Variants in CADPS2 observed in about 807,000 individuals in gnomAD.
CADPS2 encodes the protein calcium-dependent secretion activator 2.
A neutral mutation model predicts 172.5 loss-of-function variants in CADPS2; 93 were observed. That is an observed-to-expected ratio of 0.54 (90% CI 0.46 to 0.64). The LOEUF (loss-of-function observed/expected upper bound fraction) is 0.64, where lower values mean the gene tolerates loss of function less well. Ranked by LOEUF, CADPS2 falls within the 30% of genes least tolerant of loss-of-function variation. CADPS2 has a pLI of 0.00. For missense variants in CADPS2, 1,420 were observed against 1,565.9 expected (o/e 0.91, Z 1.57); for synonymous variants, 546 against 555.2 (o/e 0.98, Z 0.23).
chr7:122,530,760 T>C lies in CADPS2; in HGVS notation c.1476-17445A>G, dbSNP rs1257089480. On this transcript the variant is annotated intron_variant, in intron 8 of 29. Coordinates refer to ENST00000449022, the MANE Select transcript of CADPS2 (RefSeq NM_017954.11). ...TACAAGATTCACTTTAGCATTCTAT[T>C]TAATTTTGAAGCAATGGCTTCCAGC... Among the ~76,000 whole-genome samples the C allele has an allele frequency of 2.6e-5, 4 of 152,176 alleles. No individual in the cohort carries two copies. The East Asian group carries it at 7.7e-4, about 29-fold the overall frequency.
chr7:122,705,001 A>T (rs2086757339), intron 2 of CADPS2, among the ~76,000 whole-genome samples: 1 of 152,032 alleles, frequency 6.6e-6, no homozygotes, highest in Non-Finnish European at 1.5e-5. Context: ...CAGCCTGAGG[A>T]GAGAAGCATC....
chr7:122,481,399 C>T (rs2152263944), intron 11 of CADPS2, among the ~76,000 whole-genome samples: 1 of 152,242 alleles, frequency 6.6e-6, no homozygotes, highest in Non-Finnish European at 1.5e-5. Context: ...CTGATCAATT[C>T]TGCCTTGACA....
At chr7:122,690,722 G>A (rs1280375523) in intron 2 of CADPS2, among the ~76,000 whole-genome samples, 1 of 152,090 alleles carries the variant, frequency 6.6e-6, no homozygotes, top group Non-Finnish European at 1.5e-5. Flanking sequence ...TAACAACAAG[G>A]TTAAGCCTCA....
intron 25 of CADPS2, among the ~76,000 whole-genome samples, chr7:122,362,698 G>A (rs1255246603): frequency 6.6e-6 from 1 of 152,120 alleles, no homozygotes; most frequent in Non-Finnish European, 1.5e-5. Context: ...TAGGAAAAGG[G>A]AAATTAACGA....
intron 8 of CADPS2, among the ~76,000 whole-genome samples, chr7:122,545,681 A>G (rs2063552811): frequency 6.6e-6 from 1 of 152,138 alleles, no homozygotes; most frequent in South Asian, 2.1e-4. Flanking sequence ...AGAAGGAATA[A>G]AAAGGGATTT....
rs2040008428 is a variant in CADPS2 at position 122,360,690 on chromosome 7, T to C, written c.3504+98A>G. ...GAAAATAAACTACTCCCTAAGGGAATGGCACTGGTTTAAAGATTTGAAATA... is the reference window on the plus strand; with the variant it reads ...GAAAATAAACTACTCCCTAAGGGAACGGCACTGGTTTAAAGATTTGAAATA... On this transcript the variant is annotated intron_variant, in intron 27 of 29. Transcript: ENST00000449022. The C allele has an allele frequency of 5.8e-6, 6 of 1,039,954 alleles. No homozygotes were observed. The East Asian group carries it at 1.0e-4, about 18-fold the overall frequency. The allele number at this position is 1,039,954 out of a possible 1,614,324, so 64.4% of individuals were successfully genotyped here.
chr7:122,702,140 T>C lies in CADPS2; in HGVS notation c.453+34815A>G, dbSNP rs370904877. ...TCTCCAGACGCAATCTAAGTAAAAG[T>C]AGGCAATTGTGGCAGCCAGGAAGGT... On this transcript the variant is annotated intron_variant, in intron 2 of 29. Transcript: ENST00000449022. 2 of 1,613,652 alleles carry C rather than the reference T, an allele frequency of 1.2e-6. No homozygotes were observed. The highest frequency in any genetic ancestry group is 1.3e-5 in the African/African-American group (1 of 74,986).
chr7:122,688,142 C>T (rs1287233327), intron 2 of CADPS2, among the ~76,000 whole-genome samples: 1 of 152,224 alleles, frequency 6.6e-6, no homozygotes, highest in Non-Finnish European at 1.5e-5. Flanking sequence ...CTCTACTCCC[C>T]CTGACCCATA....
At chr7:122,757,961 G>C (rs1232768291) in intron 1 of CADPS2, among the ~76,000 whole-genome samples, 1 of 151,858 alleles carries the variant, frequency 6.6e-6, no homozygotes, top group Non-Finnish European at 1.5e-5. Flanking sequence ...TATAACTCTA[G>C]CTACGATTTT....
chr7:122,544,676 C>G (rs2063444474), intron 8 of CADPS2, among the ~76,000 whole-genome samples: 1 of 152,046 alleles, frequency 6.6e-6, no homozygotes, highest in African/African-American at 2.4e-5. Flanking sequence ...AGGAAGTGAG[C>G]AAGAGAGGAA....
chr7:122,661,843 A>G (rs2080573061), intron 3 of CADPS2, among the ~76,000 whole-genome samples: 4 of 152,230 alleles, frequency 2.6e-5, no homozygotes, highest in Admixed American at 1.3e-4. Flanking sequence ...AAATTATGTT[A>G]ATCAACATTT....
chr7:122,824,984 C>G (rs1455068861), intron 1 of CADPS2, among the ~76,000 whole-genome samples: 1 of 151,676 alleles, frequency 6.6e-6, no homozygotes, highest in African/African-American at 2.4e-5. Context: ...AATTTTTGGC[C>G]AAGGAAACGA....
rs1272955063 is a variant in CADPS2 at position 122,356,750 on chromosome 7, T to A, written c.3504+4038A>T. Among the ~76,000 whole-genome samples the A allele has an allele frequency of 2.0e-5, 3 of 152,340 alleles. No individual in the cohort carries two copies. In the East Asian group the frequency reaches 5.8e-4, roughly 29 times the overall value. ...TACTTTACATATTTGCTCGCTCAAA[T>A]TACTCTAGCTTAGGCCACTGGGAGC... On this transcript the variant is annotated intron_variant, in intron 27 of 29. Transcript: ENST00000449022.
intron 17 of CADPS2, among the ~76,000 whole-genome samples, chr7:122,423,371 T>C (rs1273711475): frequency 6.6e-6 from 1 of 152,148 alleles, no homozygotes; most frequent in African/African-American, 2.4e-5. Flanking sequence ...TTTTAGAACT[T>C]GTGGCTAGGT....
chr7:122,666,827 G>A (rs185153201), intron 2 of CADPS2, among the ~76,000 whole-genome samples: 2 of 152,242 alleles, frequency 1.3e-5, no homozygotes, highest in African/African-American at 2.4e-5. Context: ...TTCCCAGTGA[G>A]TTCTGCAGTG....
At chr7:122,375,411 C>A (rs1296172898) in intron 25 of CADPS2, among the ~76,000 whole-genome samples, 1 of 151,992 alleles carries the variant, frequency 6.6e-6, no homozygotes, top group Admixed American at 6.6e-5. Flanking sequence ...GCCAATAGAA[C>A]AAAACAGAGA....
Position 122,345,678 on chromosome 7 carries a change from G to T in CADPS2, c.3508C>A (p.Pro1170Thr). The stretch of plus-strand genomic sequence containing the variant: ...TAGGTGTCTGCCAGATCCATTCCTG[G>T]TTTCTGTTGTGAAGGAAAAGCAGGG... ...AAAKYVDVPK[P>T]GMDLADTYIM... The change falls in exon 28 of 30, where the codon CCA becomes ACA. Residue 1170 changes from proline (P) to threonine (T), a missense_variant. Pro to Thr is a conservative substitution (Grantham distance 38). Coordinates refer to ENST00000449022, the MANE Select transcript of CADPS2 (RefSeq NM_017954.11). The T allele has an allele frequency of 6.2e-7, 1 of 1,600,464 alleles. No individual in the cohort carries two copies. The highest frequency in any genetic ancestry group is 8.5e-7 in the Non-Finnish European group (1 of 1,170,548).
chr7:122,756,839 G>A (rs1003108396), intron 1 of CADPS2, among the ~76,000 whole-genome samples: 2 of 151,942 alleles, frequency 1.3e-5, no homozygotes, highest in African/African-American at 4.8e-5. Flanking sequence ...GGCAGAGGTT[G>A]CAGTGAGCCA....
chr7:122,436,489 G>A (rs2050660992), intron 17 of CADPS2: 20 of 407,384 alleles, frequency 4.9e-5, no homozygotes, highest in South Asian at 4.3e-4. Context: ...TCTTAGTCTA[G>A]TCCTGAGGAT....
Sources: gnomAD v4.1 joint callset for allele counts (sites outside exome capture counted in the v4.1 genomes callset) on GRCh38, gnomAD v4.1.1 for gene constraint, MANE v1.5 for transcripts, NCBI Gene and HGNC (gene_info 2026-07-23, HGNC 2026-07-21) for gene names.